YTHDC2: variants seen among roughly 807,000 people sequenced by gnomAD.
YTHDC2 encodes the protein 3'-5' RNA helicase YTHDC2.
A neutral mutation model predicts 174.9 loss-of-function variants in YTHDC2; 45 were observed. That is an observed-to-expected ratio of 0.26 (90% confidence interval 0.20 to 0.33). YTHDC2 has a LOEUF of 0.33. Among genes scored for constraint, YTHDC2 ranks in the 10% least tolerant of loss-of-function variants. The probability of loss-of-function intolerance (pLI) is 1.00; values close to 1 mark genes in which losing one functional copy is unlikely to be tolerated. For missense variants in YTHDC2, 1,650 were observed against 1,723.7 expected, an observed-to-expected ratio of 0.96 and a Z score of 0.76; for synonymous variants, 657 against 574.5, an observed-to-expected ratio of 1.14 and a Z score of -2.05.
intron 8 of YTHDC2, 49 bp downstream of exon 8, chr5:113,539,230 A>G: frequency 1.4e-6 from 1 of 738,430 alleles, no homozygotes; most frequent in South Asian, 2.5e-5. Flanking sequence ...ATTGATAATG[A>G]CTTTGGAGTA....
intron 4 of YTHDC2, among the ~76,000 whole-genome samples, chr5:113,528,758 C>T (rs1231126328): frequency 6.6e-6 from 1 of 152,202 alleles, no homozygotes; most frequent in Admixed American, 6.5e-5. Flanking sequence ...ATCCACCTGC[C>T]TTGGCCTCCC....
At chr5:113,549,078 A>G (rs1228330481) in intron 12 of YTHDC2, 58 bp downstream of exon 12, 7 of 1,416,864 alleles carry the variant, frequency 4.9e-6, no homozygotes, top group Non-Finnish European at 6.9e-6. Flanking sequence ...GAGCTTCACC[A>G]TATAAATTAT....
intron 4 of YTHDC2, among the ~76,000 whole-genome samples, chr5:113,531,798 A>G (rs372552079): frequency 6.6e-6 from 1 of 152,180 alleles, no homozygotes; most frequent in Admixed American, 6.5e-5. Flanking sequence ...TTTTTTAACT[A>G]TAAGATTGGC....
chr5:113,569,162 G>A (rs991553505), intron 23 of YTHDC2, among the ~76,000 whole-genome samples: 1 of 152,052 alleles, frequency 6.6e-6, no homozygotes, highest in Admixed American at 6.6e-5. Flanking sequence ...AAAAGTGTCT[G>A]TTCGTGTCCT....
At chr5:113,519,564 T>C (rs1340059590) in intron 2 of YTHDC2, among the ~76,000 whole-genome samples, 2 of 152,206 alleles carry the variant, frequency 1.3e-5, no homozygotes, top group Non-Finnish European at 2.9e-5. Context: ...GTTTCTTCTG[T>C]GACTGCTAAG....
At chr5:113,581,880 C>T (rs1778424967) in intron 25 of YTHDC2, 171 bp downstream of exon 25, 1 of 508,270 alleles carries the variant, frequency 2.0e-6, no homozygotes, top group Non-Finnish European at 3.1e-6. Context: ...CAACTTAATT[C>T]TTCTAAGTAT....
In YTHDC2 at chr5:113,581,403, T is replaced by G; in HGVS notation, c.3355-14T>G. ...GTGATATTCATTTGCTTGTATCTAT[T>G]TGAACTATTACAGGCAGCTAGTTTA... On this transcript the variant is annotated splice_polypyrimidine_tract_variant and intron_variant, in intron 24 of 29. Coordinates refer to ENST00000161863, the MANE Select transcript of YTHDC2 (RefSeq NM_022828.5). The G allele has an allele frequency of 6.4e-7, 1 of 1,565,798 alleles. No homozygotes were observed. The highest frequency in any genetic ancestry group is 1.4e-5 in the African/African-American group (1 of 73,160).
intron 16 of YTHDC2, among the ~76,000 whole-genome samples, chr5:113,554,456 C>G (rs555596695): frequency 3.3e-5 from 5 of 152,052 alleles, no homozygotes; most frequent in South Asian, 4.2e-4. Context: ...TCTTTAGTGC[C>G]TCACCTATAG....
At chr5:113,588,164 C>T (rs769497071) in intron 26 of YTHDC2, among the ~76,000 whole-genome samples, 1 of 151,964 alleles carries the variant, frequency 6.6e-6, no homozygotes. Context: ...GATAATTTTA[C>T]TCTTTTCCTT....
intron 17 of YTHDC2, among the ~76,000 whole-genome samples, chr5:113,556,626 T>C (rs1237419493): frequency 1.3e-5 from 2 of 152,198 alleles, no homozygotes; most frequent in Non-Finnish European, 2.9e-5. Context: ...AGATGGGCAT[T>C]GATGAAAATG....
intron 25 of YTHDC2, chr5:113,582,969 G>A (rs1467668023): frequency 6.6e-6 from 1 of 152,086 alleles, no homozygotes; most frequent in Non-Finnish European, 1.5e-5. Flanking sequence ...CGTACTTTTT[G>A]AAAATATTGT....
intron 27 of YTHDC2, 145 bp downstream of exon 27, chr5:113,591,389 C>G (rs1294466000): frequency 3.4e-5 from 27 of 788,976 alleles, no homozygotes; most frequent in Non-Finnish European, 5.2e-5. Flanking sequence ...TATTGCATCT[C>G]TTTAGAGGAT....
At chr5:113,565,642 T>C (rs1777285115) in intron 20 of YTHDC2, 1 of 280,592 alleles carries the variant, frequency 3.6e-6, no homozygotes, top group Non-Finnish European at 6.5e-6. Flanking sequence ...CAAATATTTT[T>C]ACATTGTTAG....
At chr5:113,531,193 A>G (rs955064556) in intron 4 of YTHDC2, among the ~76,000 whole-genome samples, 3 of 152,104 alleles carry the variant, frequency 2.0e-5, no homozygotes, top group African/African-American at 7.2e-5. Context: ...GTACTTACGC[A>G]TTTATGCTTC....
chr5:113,585,269 TA>T (rs1201697166), intron 26 of YTHDC2, among the ~76,000 whole-genome samples: 1 of 152,094 alleles, frequency 6.6e-6, no homozygotes, highest in Non-Finnish European at 1.5e-5. Flanking sequence ...AAACTATCTT[TA>T]AAAAAACTTG....
Position 113,535,658 on chromosome 5 carries a change from G to A in YTHDC2, c.962G>A (p.Arg321Lys), listed in dbSNP as rs1775001391. The change falls in exon 7 of 30, where the codon AGG (arginine) becomes AAG (lysine). Residue 321 changes from arginine (R) to lysine (K), a missense_variant. Arg to Lys is a conservative substitution (Grantham distance 26). This residue lies in a region of YTHDC2 where 411 missense variants were observed against 380.6 expected (regional missense o/e 1.08). Transcript: ENST00000161863. ...THVIVDEVHE[R>K]DRFSDFLLTK... ...TTACTATAGGATGAAGTGCATGAAA[G>A]GGATCGATTTAGTGATTTTTTACTT... 1 of 1,612,786 alleles carries A rather than the reference G, an allele frequency of 6.2e-7. No homozygotes were observed. Among genetic ancestry groups the A allele is most frequent in the Non-Finnish European group, 8.5e-7 (1 of 1,179,524 alleles).
intron 16 of YTHDC2, 149 bp downstream of exon 16, chr5:113,554,171 T>G: frequency 3.4e-6 from 2 of 591,902 alleles, no homozygotes; most frequent in South Asian, 1.3e-4. Context: ...ATAAGCAGAA[T>G]TTACGAAAAA....
chr5:113,542,643 T>C (rs11749931), intron 10 of YTHDC2, 140 bp downstream of exon 10: 150,538 of 688,478 alleles, frequency 0.22, 20,547 homozygotes, highest in African/African-American at 0.51. Flanking sequence ...ATTTCAAATG[T>C]ACAAATCAGG....
At chr5:113,548,763 G>A (rs1776055443) in intron 11 of YTHDC2, 96 bp downstream of exon 11, 3 of 1,332,304 alleles carry the variant, frequency 2.3e-6, no homozygotes, top group South Asian at 1.9e-5. Flanking sequence ...AAAAACTATT[G>A]TGTAATAATT....
Sources: gnomAD v4.1 joint callset for allele counts (sites outside exome capture counted in the v4.1 genomes callset) on GRCh38, gnomAD v4.1.1 for gene constraint, gnomAD v4.1.1 regional missense constraint, MANE v1.5 for transcripts, NCBI Gene and HGNC (gene_info 2026-07-23, HGNC 2026-07-21) for gene names.